The following RBMS3 variants were observed in gnomAD, a reference collection of about 807,000 sequenced individuals.
RBMS3 encodes RNA binding motif single stranded interacting protein 3, also known as RNA-binding motif, single-stranded-interacting protein 3.
Under a neutral mutation model 66.8 loss-of-function variants are expected in RBMS3, and 27 were observed. That is an observed-to-expected ratio of 0.40 (90% confidence interval 0.30 to 0.56). RBMS3 has a LOEUF of 0.56. RBMS3 is among the 20% of genes least tolerant of loss of function. RBMS3 has a pLI of 0.40. For synonymous variants in RBMS3, 188 were observed against 183.0 expected (o/e 1.03, Z -0.22); for missense variants, 513 against 549.5 (o/e 0.93, Z 0.66).
chr3:29,968,895 C>G (rs1355402242), intron 12 of RBMS3, among the ~76,000 whole-genome samples: 1 of 143,834 alleles, frequency 7.0e-6, no homozygotes, highest in African/African-American at 2.6e-5. Flanking sequence ...AACATTTGAC[C>G]CTAGTGATGG....
chr3:29,357,613 G>A (rs1365593664), intron 1 of RBMS3, among the ~76,000 whole-genome samples: 1 of 152,126 alleles, frequency 6.6e-6, no homozygotes. Context: ...AGATCCCTGA[G>A]GAATTGCCAC....
chr3:29,960,199 G>A (rs1389964794), intron 12 of RBMS3, among the ~76,000 whole-genome samples: 2 of 152,198 alleles, frequency 1.3e-5, no homozygotes, highest in Non-Finnish European at 2.9e-5. Flanking sequence ...TATTCCAAAT[G>A]GGAGAAATTA....
chr3:29,763,857 G>A (rs1163044244), intron 6 of RBMS3, among the ~76,000 whole-genome samples: 1 of 151,936 alleles, frequency 6.6e-6, no homozygotes, highest in Admixed American at 6.6e-5. Flanking sequence ...AAGGCAGTTT[G>A]GTTTATTTGT....
intron 1 of RBMS3, among the ~76,000 whole-genome samples, chr3:29,292,558 T>C (rs1421596021): frequency 6.6e-6 from 1 of 151,888 alleles, no homozygotes; most frequent in Non-Finnish European, 1.5e-5. Flanking sequence ...TTTGGAAATC[T>C]TATTGATTAA....
intron 1 of RBMS3, among the ~76,000 whole-genome samples, chr3:29,392,196 G>A (rs1467219900): frequency 6.6e-6 from 1 of 152,178 alleles, no homozygotes; most frequent in Non-Finnish European, 1.5e-5. Context: ...GCTGCAGTGA[G>A]CCGAGATTGT....
chr3:29,745,250 T>G lies in RBMS3; in HGVS notation c.557+5373T>G, dbSNP rs539476567. On this transcript the variant is annotated intron_variant, in intron 5 of 14. Transcript: ENST00000383767. ...TTTATTTTATTTTGTGTGTGTGTGT[T>G]TTTTTTTACTCTCTTGTAACTTAAA... Among the ~76,000 whole-genome samples, 64 of 151,200 alleles carry G rather than the reference T, an allele frequency of 4.2e-4. 1 individual carries two copies. The highest frequency in any genetic ancestry group is 3.6e-4 in the Non-Finnish European group (24 of 67,538).
At chr3:29,584,575 C>T (rs1432167690) in intron 3 of RBMS3, among the ~76,000 whole-genome samples, 1 of 152,050 alleles carries the variant, frequency 6.6e-6, no homozygotes, top group Non-Finnish European at 1.5e-5. Context: ...TTTCCTTCTC[C>T]CCTGCTGGTT....
chr3:29,753,130 A>T (rs872761), intron 5 of RBMS3, among the ~76,000 whole-genome samples: 58,197 of 152,138 alleles, frequency 0.38, 11,283 homozygotes, highest in Middle Eastern at 0.43. Context: ...AACTTAGCTT[A>T]TGTATTGATT....
chr3:29,756,734 C>T (rs573115414), intron 5 of RBMS3, among the ~76,000 whole-genome samples: 2 of 152,190 alleles, frequency 1.3e-5, no homozygotes, highest in Admixed American at 1.3e-4. Flanking sequence ...TGGGAGTACC[C>T]ACAACTCCCC....
intron 6 of RBMS3, among the ~76,000 whole-genome samples, chr3:29,783,788 T>G (rs1387834833): frequency 1.3e-5 from 2 of 152,146 alleles, no homozygotes; most frequent in African/African-American, 4.8e-5. Flanking sequence ...AAGTTTCTAC[T>G]GTCTTCAGGA....
chr3:29,676,947 T>C (rs780896496), intron 4 of RBMS3, among the ~76,000 whole-genome samples: 9 of 152,146 alleles, frequency 5.9e-5, no homozygotes, highest in Admixed American at 1.3e-4. Context: ...AATTGGCACA[T>C]AGTTCTGCAG....
intron 2 of RBMS3, among the ~76,000 whole-genome samples, chr3:29,486,291 CT>C (rs1295671620): frequency 1.3e-5 from 2 of 152,086 alleles, no homozygotes; most frequent in South Asian, 2.1e-4. Context: ...AAAGCATATC[CT>C]AGCTTTGCAA....
chr3:29,430,303 G>A (rs1041269509), intron 1 of RBMS3, among the ~76,000 whole-genome samples: 3 of 151,696 alleles, frequency 2.0e-5, no homozygotes, highest in Non-Finnish European at 4.4e-5. Context: ...CGAGAAAATC[G>A]ACCGCTTTCA....
chr3:29,444,788 CTTTTTTTTTTT>C (rs558839351), intron 2 of RBMS3, among the ~76,000 whole-genome samples: 4 of 50,488 alleles, frequency 7.9e-5, no homozygotes, highest in South Asian at 1.3e-3. Flanking sequence ...AAATATATGC[CTTTTTTTTTTT>C]TTTTTTTTTT....
intron 7 of RBMS3, among the ~76,000 whole-genome samples, chr3:29,870,533 G>A (rs150270599): frequency 1.3e-5 from 2 of 152,136 alleles, no homozygotes; most frequent in East Asian, 3.9e-4. Context: ...TCCTCTCACT[G>A]TACATTTCTT....
intron 4 of RBMS3, among the ~76,000 whole-genome samples, chr3:29,737,878 ATGTC>A (rs1466988773): frequency 2.6e-5 from 3 of 116,198 alleles, no homozygotes; most frequent in African/African-American, 1.2e-4. Flanking sequence ...GTTTATATGT[ATGTC>A]TGTGACAGAG....
At chr3:29,315,581 G>A (rs531852934) in intron 1 of RBMS3, among the ~76,000 whole-genome samples, 194 of 151,788 alleles carry the variant, frequency 1.3e-3, no homozygotes, top group Middle Eastern at 6.8e-3. Context: ...ACGGGCATTT[G>A]CGTGTGTGAG....
At chr3:29,851,367 T>G (rs749239156) in intron 6 of RBMS3, among the ~76,000 whole-genome samples, 2 of 152,160 alleles carry the variant, frequency 1.3e-5, no homozygotes, top group Admixed American at 6.5e-5. Context: ...GATCGTTTGA[T>G]CCAGGAAACA....
At chr3:29,795,452 T>C (rs188075081) in intron 6 of RBMS3, among the ~76,000 whole-genome samples, 69 of 152,362 alleles carry the variant, frequency 4.5e-4, no homozygotes, top group African/African-American at 1.6e-3. Context: ...ATGATATAAC[T>C]GGATAACTAA....
Sources: allele counts gnomAD v4.1 joint callset (sites outside exome capture counted in the v4.1 genomes callset), GRCh38; gene constraint gnomAD v4.1.1; transcripts MANE v1.5; gene names NCBI Gene and HGNC (gene_info 2026-07-23, HGNC 2026-07-21).